The following SCGN variants were observed in gnomAD, a reference collection of about 807,000 sequenced individuals.
SCGN encodes secretagogin, EF-hand calcium binding protein, also known as secretagogin.
A neutral mutation model predicts 39.7 loss-of-function variants in SCGN; 30 were observed. The observed-to-expected ratio is 0.76, with a 90% confidence interval of 0.57 to 1.03. The LOEUF (loss-of-function observed/expected upper bound fraction) is 1.03, where lower values mean the gene tolerates loss of function less well. SCGN is among the 50% of genes least tolerant of loss of function. SCGN has a pLI of 0.00. For missense variants in SCGN, 353 were observed against 349.4 expected, an observed-to-expected ratio of 1.01 and a Z score of -0.08; for synonymous variants, 106 against 114.1, an observed-to-expected ratio of 0.93 and a Z score of 0.45.
intron 2 of SCGN, among the ~76,000 whole-genome samples, chr6:25,657,575 C>T (rs891032666): frequency 1.3e-5 from 2 of 151,748 alleles, no homozygotes; most frequent in Admixed American, 6.6e-5. Flanking sequence ...CCCCACTTTG[C>T]CTCAGATCCA....
intron 10 of SCGN, among the ~76,000 whole-genome samples, chr6:25,700,382 A>G (rs1759895839): frequency 6.6e-6 from 1 of 152,096 alleles, no homozygotes; most frequent in African/African-American, 2.4e-5. Context: ...TCTCCATGAG[A>G]ATGGTATGAA....
In SCGN at chr6:25,701,564, C is replaced by T. The variant is rs1417516754; in HGVS notation, c.*229C>T. ...TGTTTTCCCTTGACCCTGGGCTTTC[C>T]TATCCTCCCAAAGACTCAGCTCCCC... On this transcript the variant is annotated 3_prime_UTR_variant, in exon 11 of 11. Transcript: ENST00000377961. The T allele has an allele frequency of 1.0e-5, 4 of 398,696 alleles. No individual in the cohort carries two copies. The highest frequency in any genetic ancestry group is 4.2e-5 in the African/African-American group (2 of 47,568). 24.7% of individuals were successfully genotyped at this position (398,696 alleles called of 1,614,324 possible).
chr6:25,669,438 A>C, intron 4 of SCGN, 73 bp from the exon 5 acceptor site: 1 of 1,244,336 alleles, frequency 8.0e-7, no homozygotes, highest in Non-Finnish European at 1.2e-6. Flanking sequence ...CAGATGCTGA[A>C]CTGTAGTAGA....
At position 25,664,937 on chromosome 6, in the gene SCGN, C is replaced by CT; in HGVS notation, c.247-4dup. 1.2e-6 allele frequency: 2 copies of CT among 1,611,692 alleles called. No individual in the cohort carries two copies. The highest frequency in any genetic ancestry group is 1.7e-6 in the Non-Finnish European group (2 of 1,178,096). ...TCCCTGACTGTTATTCTTTCTGTTC[C>CT]TTCAGCTTGCTGGTATGTTCTTATC... On this transcript the variant is annotated splice_region_variant and splice_polypyrimidine_tract_variant and intron_variant, in intron 3 of 10. Coordinates refer to ENST00000377961, the MANE Select transcript of SCGN (RefSeq NM_006998.4).
At chr6:25,701,110 G>T in intron 10 of SCGN, 97 bp from the exon 11 acceptor site, 1 of 1,386,036 alleles carries the variant, frequency 7.2e-7, no homozygotes, top group South Asian at 1.5e-5. Context: ...TCTCCTTCAA[G>T]GCAGGACACC....
At chr6:25,666,847 C>T (rs368792693) in intron 4 of SCGN, among the ~76,000 whole-genome samples, 2 of 152,188 alleles carry the variant, frequency 1.3e-5, no homozygotes, top group East Asian at 3.9e-4. Flanking sequence ...ATTCTTTGTA[C>T]TTTTGTATTT....
At chr6:25,689,141 C>T (rs769219196) in intron 7 of SCGN, 31 bp from the exon 8 acceptor site, 14 of 1,466,070 alleles carry the variant, frequency 9.5e-6, no homozygotes, top group Non-Finnish European at 1.3e-5. Context: ...CTGAACGATC[C>T]TTACGTGGAT....
intron 4 of SCGN, among the ~76,000 whole-genome samples, chr6:25,667,399 G>T (rs1386767868): frequency 1.3e-5 from 2 of 152,012 alleles, no homozygotes; most frequent in Non-Finnish European, 2.9e-5. Context: ...AAAATTAACT[G>T]TCTTATATCC....
At chr6:25,683,015 A>G (rs1191892522) in intron 7 of SCGN, among the ~76,000 whole-genome samples, 4 of 152,218 alleles carry the variant, frequency 2.6e-5, no homozygotes, top group Non-Finnish European at 5.9e-5. Flanking sequence ...TATTGACCCC[A>G]GTACACTAAA....
Position 25,669,444 on chromosome 6 carries a change from GTAGATACCA to G in SCGN, c.337-66_337-58del, listed in dbSNP as rs1759460551. The G allele has an allele frequency of 5.4e-6, 7 of 1,303,296 alleles. No homozygotes were observed. The Admixed American group carries it at 1.2e-4, about 22-fold the overall frequency. The allele number at this position is 1,303,296 out of a possible 1,614,324, so 80.7% of individuals were successfully genotyped here. A position where few individuals can be genotyped will look rare whatever the true frequency, so the allele number is the denominator to read the frequency against. On this transcript the variant is annotated intron_variant, in intron 4 of 10. Transcript: ENST00000377961. ...TACTGTTTTCAGATGCTGAACTGTA[GTAGATACCA>G]CATAATTATTCCAAGTTATCTGAGG...
chr6:25,685,152 AG>A (rs1216267406), intron 7 of SCGN, among the ~76,000 whole-genome samples: 1 of 152,146 alleles, frequency 6.6e-6, no homozygotes, highest in African/African-American at 2.4e-5. Context: ...AGAAGGAATG[AG>A]GCCGTGTCGA....
intron 6 of SCGN, among the ~76,000 whole-genome samples, chr6:25,670,415 C>G (rs1198217666): frequency 6.6e-6 from 1 of 152,110 alleles, no homozygotes; most frequent in Non-Finnish European, 1.5e-5. Flanking sequence ...CAATCAGGAC[C>G]AAACAGATGG....
chr6:25,692,569 C>T (rs1323475878), intron 10 of SCGN, among the ~76,000 whole-genome samples: 1 of 152,220 alleles, frequency 6.6e-6, no homozygotes, highest in Non-Finnish European at 1.5e-5. Flanking sequence ...CCAAATCAAC[C>T]TCCCTTCTTC....
At chr6:25,695,717 G>A (rs771831750) in intron 10 of SCGN, among the ~76,000 whole-genome samples, 5 of 152,150 alleles carry the variant, frequency 3.3e-5, no homozygotes, top group Non-Finnish European at 5.9e-5. Flanking sequence ...TTTTAGTAGA[G>A]ATGGTGTTTC....
chr6:25,691,814 A>G (rs905548191), intron 10 of SCGN, among the ~76,000 whole-genome samples: 1 of 152,164 alleles, frequency 6.6e-6, no homozygotes, highest in African/African-American at 2.4e-5. Context: ...TCAGAACACA[A>G]TGATTGTGTT....
chr6:25,686,805 C>A (rs933808161), intron 7 of SCGN, among the ~76,000 whole-genome samples: 1 of 151,904 alleles, frequency 6.6e-6, no homozygotes. Flanking sequence ...CCGTTTGTTT[C>A]CTTCTAAGAG....
At position 25,653,398 on chromosome 6, in the gene SCGN, A is replaced by G. The variant is rs1350867170; in HGVS notation, c.99A>G (p.Glu33=). The G allele has an allele frequency of 6.2e-7, 1 of 1,611,568 alleles. No individual in the cohort carries two copies. Among genetic ancestry groups the G allele is most frequent in the African/African-American group, 1.3e-5 (1 of 74,874 alleles). ...RFDADEKGYI[E]EKELDAFFLH... ...CACATTTAGAAAAAGGTTACATAGA[A>G]GAGAAGGAACTCGATGCTTTCTTTC... Residue 33 remains glutamate (E), a synonymous_variant, in exon 2 of 11, where the codon GAA becomes GAG. Coordinates refer to ENST00000377961, the MANE Select transcript of SCGN (RefSeq NM_006998.4).
intron 3 of SCGN, among the ~76,000 whole-genome samples, chr6:25,663,766 A>G (rs1363901885): frequency 6.6e-6 from 1 of 152,226 alleles, no homozygotes; most frequent in Non-Finnish European, 1.5e-5. Context: ...ATGAGATGAT[A>G]AATCAAAAGC....
chr6:25,662,900 G>A (rs1185627747), intron 3 of SCGN, among the ~76,000 whole-genome samples: 1 of 152,164 alleles, frequency 6.6e-6, no homozygotes, highest in Non-Finnish European at 1.5e-5. Flanking sequence ...CCAGAACCTG[G>A]AACAGAGCAT....
Sources: allele counts gnomAD v4.1 joint callset (sites outside exome capture counted in the v4.1 genomes callset), GRCh38; gene constraint gnomAD v4.1.1; transcripts MANE v1.5; gene names NCBI Gene and HGNC (gene_info 2026-07-23, HGNC 2026-07-21).